SLA2: variants seen among roughly 807,000 people sequenced by gnomAD.
SLA2 encodes the protein Src like adaptor 2.
Under a neutral mutation model 27.3 loss-of-function variants are expected in SLA2, and 22 were observed. That is an observed-to-expected ratio of 0.81 (90% CI 0.58 to 1.15). SLA2 has a LOEUF of 1.15. SLA2 is among the 50% of genes most tolerant of loss of function. The pLI is 0.00. For missense variants in SLA2, 304 were observed against 322.2 expected (o/e 0.94, Z 0.43); for synonymous variants, 131 against 137.8 (o/e 0.95, Z 0.34).
intron 5 of SLA2, among the ~76,000 whole-genome samples, chr20:36,616,104 C>T (rs757291958): frequency 1.3e-4 from 20 of 152,266 alleles, no homozygotes; most frequent in Admixed American, 3.3e-4. Flanking sequence ...GTTGCACAGG[C>T]ACACACGGCA....
chr20:36,644,929 A>G (rs1281498067), intron 1 of SLA2, among the ~76,000 whole-genome samples: 1 of 146,242 alleles, frequency 6.8e-6, no homozygotes, highest in African/African-American at 2.6e-5. Flanking sequence ...TACAGTGACC[A>G]AGTCCCTGAG....
chr20:36,625,863 G>C (rs1042805438), intron 5 of SLA2, among the ~76,000 whole-genome samples: 1 of 150,640 alleles, frequency 6.6e-6, no homozygotes, highest in Admixed American at 6.6e-5. Flanking sequence ...GGTGGCTCAT[G>C]CCTATAAACC....
intron 3 of SLA2, 53 bp from the exon 4 acceptor site, chr20:36,633,682 C>T (rs1426324332): frequency 1.4e-6 from 2 of 1,474,180 alleles, no homozygotes; most frequent in Non-Finnish European, 1.9e-6. Context: ...AAGGCCCCGA[C>T]AACCACACAT....
intron 1 of SLA2, among the ~76,000 whole-genome samples, chr20:36,645,285 T>C (rs887587535): frequency 6.6e-6 from 1 of 151,374 alleles, no homozygotes; most frequent in Non-Finnish European, 1.5e-5. Context: ...GAGGATCACT[T>C]GAGCCCAGTG....
At chr20:36,634,956 T>C (rs1320475595) in intron 2 of SLA2, among the ~76,000 whole-genome samples, 1 of 152,054 alleles carries the variant, frequency 6.6e-6, no homozygotes, top group South Asian at 2.1e-4. Flanking sequence ...GCCTCCTGAG[T>C]GGCTGGGACT....
intron 2 of SLA2, among the ~76,000 whole-genome samples, chr20:36,636,616 A>AAT: frequency 8.0e-6 from 1 of 125,146 alleles, no homozygotes; most frequent in African/African-American, 3.7e-5. Flanking sequence ...AAAAAGAAAA[A>AAT]AAAAAAAATA....
At chr20:36,640,303 A>AAT (rs1555793488) in intron 2 of SLA2, among the ~76,000 whole-genome samples, 3 of 152,142 alleles carry the variant, frequency 2.0e-5, no homozygotes, top group South Asian at 2.1e-4. Context: ...TGTATTAAAA[A>AAT]ATATATATAT....
intron 5 of SLA2, among the ~76,000 whole-genome samples, chr20:36,618,326 T>G (rs1288795851): frequency 2.0e-5 from 3 of 151,894 alleles, no homozygotes; most frequent in African/African-American, 7.2e-5. Flanking sequence ...AACCTCCGCC[T>G]TTCAGGTTCA....
In SLA2 at chr20:36,614,389, T is replaced by G; in HGVS notation, c.581A>C (p.Gln194Pro). 2 of 1,613,962 alleles carry G rather than the reference T, an allele frequency of 1.2e-6. No individual in the cohort carries two copies. The highest frequency in any genetic ancestry group is 1.7e-6 in the Non-Finnish European group (2 of 1,179,918). The change falls in exon 7 of 8, where the codon CAG becomes CCG. Residue 194 changes from glutamine to proline, a missense_variant. Transcript: ENST00000262866. ...CTTGCCAGGGAGCGGGCCAGCCCTC[T>G]GCAGGACACAGGGCTCCTTGAGTAG... ...CCLLKEPCVL[Q>P]RAGPLPGKDI...
At chr20:36,638,794 CAA>C (rs2039478441) in intron 2 of SLA2, among the ~76,000 whole-genome samples, 1 of 152,230 alleles carries the variant, frequency 6.6e-6, no homozygotes, top group African/African-American at 2.4e-5. Context: ...CTAGGCCACA[CAA>C]CCCAGATATT....
intron 5 of SLA2, among the ~76,000 whole-genome samples, chr20:36,619,666 T>A (rs1296215870): frequency 6.7e-6 from 1 of 148,764 alleles, no homozygotes; most frequent in Non-Finnish European, 1.5e-5. Context: ...AGTCTCGCTC[T>A]CTCACCCAGG....
chr20:36,643,279 T>C (rs1978285095), intron 1 of SLA2, among the ~76,000 whole-genome samples: 1 of 151,826 alleles, frequency 6.6e-6, no homozygotes, highest in Admixed American at 6.6e-5. Context: ...GTTTGGGGAG[T>C]GGGAGGCGGA....
chr20:36,615,175 CT>C (rs1295117891), intron 6 of SLA2, 49 bp downstream of exon 6: 2 of 1,612,620 alleles, frequency 1.2e-6, no homozygotes, highest in African/African-American at 2.7e-5. Flanking sequence ...CTGCCTGCTC[CT>C]CCCCACAGAC....
At chr20:36,638,385 G>C (rs2039474291) in intron 2 of SLA2, among the ~76,000 whole-genome samples, 1 of 151,820 alleles carries the variant, frequency 6.6e-6, no homozygotes, top group Non-Finnish European at 1.5e-5. Context: ...CTGGAGTGCA[G>C]TGGCTCGATC....
chr20:36,635,285 T>C (rs1439520039), intron 2 of SLA2, among the ~76,000 whole-genome samples: 1 of 151,474 alleles, frequency 6.6e-6, no homozygotes, highest in Non-Finnish European at 1.5e-5. Context: ...CCCTTGTCCT[T>C]TTTCTGTAAG....
chr20:36,630,874 C>T (rs2039387191), intron 5 of SLA2, among the ~76,000 whole-genome samples: 1 of 152,128 alleles, frequency 6.6e-6, no homozygotes, highest in Admixed American at 6.6e-5. Context: ...TGCATGTGGC[C>T]CGTTCCTACT....
chr20:36,644,872 T>G (rs1474870764), intron 1 of SLA2, among the ~76,000 whole-genome samples: 71 of 145,674 alleles, frequency 4.9e-4, no homozygotes, highest in African/African-American at 1.5e-3. Flanking sequence ...TATTGTGTTT[T>G]TTTTTTTTTT....
chr20:36,638,968 TC>T, intron 2 of SLA2, among the ~76,000 whole-genome samples: 1 of 152,186 alleles, frequency 6.6e-6, no homozygotes, highest in East Asian at 1.9e-4. Flanking sequence ...TGCCTCAGCC[TC>T]CCAAGTAGCT....
intron 2 of SLA2, 41 bp from the exon 3 acceptor site, chr20:36,634,630 C>G: frequency 7.3e-7 from 1 of 1,363,106 alleles, no homozygotes; most frequent in Non-Finnish European, 1.0e-6. Context: ...TTAGCTAGCC[C>G]TGCTCCACGC....
Sources: allele counts gnomAD v4.1 joint callset (sites outside exome capture counted in the v4.1 genomes callset), GRCh38; gene constraint gnomAD v4.1.1; transcripts MANE v1.5; gene names NCBI Gene and HGNC (gene_info 2026-07-23, HGNC 2026-07-21).